Variants in SLC24A2 observed in about 807,000 individuals in gnomAD.
The protein encoded by SLC24A2 is sodium/potassium/calcium exchanger 2.
SLC24A2 carries 36 observed loss-of-function variants against 62.0 expected under a neutral mutation model. That is an observed-to-expected ratio of 0.58 (90% CI 0.44 to 0.77). SLC24A2 has a LOEUF of 0.77. SLC24A2 is among the 30% of genes least tolerant of loss of function. SLC24A2 has a pLI of 0.00. For synonymous variants in SLC24A2, 358 were observed against 294.0 expected, an observed-to-expected ratio of 1.22 and a Z score of -2.23; for missense variants, 846 against 817.9, an observed-to-expected ratio of 1.03 and a Z score of -0.42.
intron 2 of SLC24A2, among the ~76,000 whole-genome samples, chr9:19,758,743 A>C (rs1250542709): frequency 6.6e-6 from 1 of 152,180 alleles, no homozygotes; most frequent in Non-Finnish European, 1.5e-5. Context: ...TTTTTAATAA[A>C]GGAAGGTAAT....
chr9:19,750,508 T>C (rs1564079437), intron 2 of SLC24A2, among the ~76,000 whole-genome samples: 3 of 152,272 alleles, frequency 2.0e-5, no homozygotes. Context: ...CTTTTGATAC[T>C]ATGTCTCCTT....
chr9:20,194,800 G>A, the SLC24A2 span, among the ~76,000 whole-genome samples: 29 of 151,680 alleles, frequency 1.9e-4, no homozygotes, highest in Non-Finnish European at 3.7e-4. Context: ...AGAACACCTG[G>A]ATCAAGTAAA....
At position 19,511,548 on chromosome 9, in the gene SLC24A2, A is replaced by AT. The variant is rs1272330016; in HGVS notation, c.*4604dup. 1 of 151,818 alleles carries AT rather than the reference A, an allele frequency of 6.6e-6. No homozygotes were observed. The highest frequency in any genetic ancestry group is 1.9e-4 in the East Asian group (1 of 5,192). 9.4% of individuals were successfully genotyped at this position (151,818 alleles called of 1,614,324 possible). A position where few individuals can be genotyped will look rare whatever the true frequency, so the allele number is the denominator to read the frequency against. ...CTTTCTTCCCTTTCCTTATTATTCT[A>AT]TTTTTTCTCCTACCCCTCTCTTAAT... On this transcript the variant is annotated 3_prime_UTR_variant, in exon 11 of 11. Coordinates refer to ENST00000341998, the MANE Select transcript of SLC24A2 (RefSeq NM_020344.4).
the SLC24A2 span, among the ~76,000 whole-genome samples, chr9:19,917,380 G>T: frequency 1.4e-5 from 2 of 141,620 alleles, no homozygotes; most frequent in African/African-American, 2.6e-5. Flanking sequence ...CATTTAGTCT[G>T]CACTTTTGCC....
the SLC24A2 span, among the ~76,000 whole-genome samples, chr9:19,947,387 A>AG: frequency 1.3e-5 from 2 of 151,040 alleles, no homozygotes; most frequent in Non-Finnish European, 3.0e-5. Context: ...GAAGGAAGGA[A>AG]GAAGAAAGAA....
chr9:19,734,961 A>T (rs894643944), intron 2 of SLC24A2, among the ~76,000 whole-genome samples: 1 of 152,108 alleles, frequency 6.6e-6, no homozygotes, highest in East Asian at 1.9e-4. Flanking sequence ...CAAGGACTTC[A>T]TGTCTAAAAC....
At chr9:20,026,549 G>A in the SLC24A2 span, among the ~76,000 whole-genome samples, 1 of 152,030 alleles carries the variant, frequency 6.6e-6, no homozygotes, top group African/African-American at 2.4e-5. Flanking sequence ...AAAATAAACA[G>A]GCCTTGAAGA....
the SLC24A2 span, among the ~76,000 whole-genome samples, chr9:20,273,702 T>G: frequency 6.6e-6 from 1 of 152,204 alleles, no homozygotes; most frequent in East Asian, 1.9e-4. Flanking sequence ...CTTTCTTTTG[T>G]AAATTGCCCA....
the SLC24A2 span, among the ~76,000 whole-genome samples, chr9:20,295,731 CT>C: frequency 6.6e-6 from 1 of 152,146 alleles, no homozygotes; most frequent in African/African-American, 2.4e-5. Context: ...GGTCCTGAGG[CT>C]TTTGACCTTG....
chr9:19,839,294 G>T, the SLC24A2 span, among the ~76,000 whole-genome samples: 3 of 152,148 alleles, frequency 2.0e-5, no homozygotes, highest in African/African-American at 4.8e-5. Context: ...CTGTTGGTGT[G>T]ACTGTAAACT....
intron 7 of SLC24A2, among the ~76,000 whole-genome samples, chr9:19,569,975 C>G (rs1835790824): frequency 6.6e-6 from 1 of 152,206 alleles, no homozygotes; most frequent in African/African-American, 2.4e-5. Flanking sequence ...CTCACAGGAG[C>G]CTCTCCATTT....
the SLC24A2 span, among the ~76,000 whole-genome samples, chr9:20,048,219 C>T: frequency 2.0e-5 from 3 of 152,214 alleles, no homozygotes; most frequent in Non-Finnish European, 2.9e-5. Flanking sequence ...ATGCTTAGCA[C>T]ACTGCCTAGC....
the SLC24A2 span, among the ~76,000 whole-genome samples, chr9:20,052,395 A>G: frequency 6.6e-6 from 1 of 152,328 alleles, no homozygotes; most frequent in South Asian, 2.1e-4. Flanking sequence ...CTGTAACTGA[A>G]CCAGTGTATA....
chr9:20,224,387 G>A, the SLC24A2 span, among the ~76,000 whole-genome samples: 470 of 152,026 alleles, frequency 3.1e-3, 1 homozygote, highest in African/African-American at 0.011. Context: ...ATTTACAACA[G>A]TAATAACACA....
At chr9:20,081,636 A>G in the SLC24A2 span, among the ~76,000 whole-genome samples, 1 of 152,102 alleles carries the variant, frequency 6.6e-6, no homozygotes, top group African/African-American at 2.4e-5. Context: ...TAATAATAAT[A>G]ATAATAAAAG....
intron 7 of SLC24A2, among the ~76,000 whole-genome samples, chr9:19,555,488 C>T (rs1011856945): frequency 4.6e-5 from 7 of 152,190 alleles, no homozygotes; most frequent in African/African-American, 1.7e-4. Flanking sequence ...CATTTCTCAT[C>T]CTGGGCTGTA....
intron 2 of SLC24A2, among the ~76,000 whole-genome samples, chr9:19,631,784 G>A (rs1051212726): frequency 1.3e-5 from 2 of 152,130 alleles, no homozygotes; most frequent in Non-Finnish European, 2.9e-5. Flanking sequence ...ATACAGAGTG[G>A]CATCATTAAA....
At chr9:20,252,900 G>C in the SLC24A2 span, among the ~76,000 whole-genome samples, 1 of 152,200 alleles carries the variant, frequency 6.6e-6, no homozygotes, top group African/African-American at 2.4e-5. Flanking sequence ...TTCCTTATGA[G>C]CTCCTGACAT....
the SLC24A2 span, among the ~76,000 whole-genome samples, chr9:19,981,763 G>A: frequency 1.3e-5 from 2 of 152,168 alleles, no homozygotes; most frequent in East Asian, 3.9e-4. Flanking sequence ...AGTTACCCAT[G>A]GGAAGTTCTT....
Sources: allele counts gnomAD v4.1 joint callset (sites outside exome capture counted in the v4.1 genomes callset), GRCh38; gene constraint gnomAD v4.1.1; transcripts MANE v1.5; gene names NCBI Gene and HGNC (gene_info 2026-07-23, HGNC 2026-07-21).